The following JAK1 variants were observed in gnomAD, a reference collection of about 807,000 sequenced individuals.
JAK1 encodes the protein Janus kinase 1, also known as tyrosine-protein kinase JAK1.
In JAK1, 16 loss-of-function variants were observed where a neutral mutation model predicts 136.6. The ratio of observed to expected loss-of-function variants is 0.12; its 90% CI spans 0.08 to 0.18. JAK1 has a LOEUF of 0.18. Ranked by LOEUF, JAK1 falls within the 10% of genes least tolerant of loss-of-function variation. The pLI is 1.00. For missense variants in JAK1, 859 were observed against 1,450.1 expected (o/e 0.59, Z 6.62); for synonymous variants, 492 against 519.5 (o/e 0.95, Z 0.72).
chr1:64,943,948 C>T (rs982233644), intron 1 of JAK1, among the ~76,000 whole-genome samples: 1 of 151,492 alleles, frequency 6.6e-6, no homozygotes, highest in African/African-American at 2.4e-5. Context: ...TTAGGCCAGG[C>T]GCAGTGGCTC....
chr1:64,866,876 T>C lies in JAK1; in HGVS notation c.980A>G (p.His327Arg). The C allele has an allele frequency of 1.2e-6, 2 of 1,610,122 alleles. No individual in the cohort carries two copies. Among genetic ancestry groups the C allele is most frequent in the South Asian group, 2.2e-5 (2 of 90,822 alleles). ...CCAACAGCCACTTACATTTGGTTTA[T>C]GCCTCCACTGGATTCCAAGATTCCC... is the stretch of plus-strand genomic sequence containing the variant. ...VTGNLGIQWR[H>R]KPNVVSVEKE... Residue 327 changes from histidine to arginine, a missense_variant, in exon 7 of 25, where the codon CAT becomes CGT. His to Arg is a conservative substitution (Grantham distance 29). Transcript: ENST00000342505.
chr1:64,956,646 A>G (rs1443677397), intron 1 of JAK1, among the ~76,000 whole-genome samples: 3 of 152,220 alleles, frequency 2.0e-5, no homozygotes, highest in African/African-American at 4.8e-5. Flanking sequence ...CTACTTAAGG[A>G]CAGGGACCTT....
At chr1:64,973,088 C>A (rs900194814) in intron 2 of JAK1, 1 of 149,456 alleles carries the variant, frequency 6.7e-6, no homozygotes, top group Non-Finnish European at 1.5e-5. Flanking sequence ...CCACTGCACT[C>A]CAGCCTGGGC....
intron 1 of JAK1, among the ~76,000 whole-genome samples, chr1:64,963,840 ATTCT>A (rs1325892056): frequency 1.3e-5 from 2 of 151,998 alleles, no homozygotes; most frequent in Non-Finnish European, 2.9e-5. Context: ...GAGATGGATA[ATTCT>A]TTGTTTGGGA....
chr1:64,865,617 C>G (rs577162663), intron 7 of JAK1, among the ~76,000 whole-genome samples: 38 of 152,328 alleles, frequency 2.5e-4, no homozygotes, highest in South Asian at 2.1e-4. Context: ...AAATAGCTTA[C>G]ATCTTCACAG....
chr1:65,052,205 G>C lies in JAK1; in HGVS notation c.-180-7623C>G, dbSNP rs79292564. 9.7e-3 allele frequency among the ~76,000 whole-genome samples: 1,460 copies of C among 150,574 alleles called. 23 individuals carry two copies. The highest frequency in any genetic ancestry group is 0.033 in the African/African-American group (1,366 of 40,828). On this transcript the variant is annotated intron_variant, in intron 1 of 25. Transcript: ENST00000671954. ...ACCACTTTGGTCTCCCAGAGTACTGGGATCACAGATGTGAGCCACCACACC... is the reference window on the plus strand; with the variant it reads ...ACCACTTTGGTCTCCCAGAGTACTGCGATCACAGATGTGAGCCACCACACC...
intron 1 of JAK1, among the ~76,000 whole-genome samples, chr1:64,910,622 T>A (rs998016111): frequency 6.6e-5 from 10 of 152,066 alleles, no homozygotes; most frequent in African/African-American, 2.4e-4. Context: ...TCACTTGAGG[T>A]CAGGAGTTCG....
chr1:64,943,925 G>A (rs1289694834), intron 1 of JAK1, among the ~76,000 whole-genome samples: 3 of 148,204 alleles, frequency 2.0e-5, no homozygotes, highest in Non-Finnish European at 3.0e-5. Flanking sequence ...TCTCAAACTT[G>A]AAAAAAAAAA....
At chr1:65,007,075 G>A (rs1183953074) in intron 2 of JAK1, among the ~76,000 whole-genome samples, 1 of 152,162 alleles carries the variant, frequency 6.6e-6, no homozygotes, top group East Asian at 1.9e-4. Context: ...CTTGGGGCTT[G>A]GGTGGTCAAG....
chr1:64,899,596 C>T (rs896379552), intron 1 of JAK1, among the ~76,000 whole-genome samples: 1 of 152,160 alleles, frequency 6.6e-6, no homozygotes, highest in Non-Finnish European at 1.5e-5. Context: ...GACTTTTTGA[C>T]TACCACATTT....
chr1:65,053,030 C>CAAAAAAAA (rs780968006), intron 1 of JAK1, among the ~76,000 whole-genome samples: 5 of 43,716 alleles, frequency 1.1e-4, no homozygotes, highest in African/African-American at 6.0e-4. Context: ...ACTCTTGTCT[C>CAAAAAAAA]AAAAAAAAAA....
intron 1 of JAK1, among the ~76,000 whole-genome samples, chr1:64,962,794 G>A (rs1433871955): frequency 1.3e-5 from 2 of 152,168 alleles, no homozygotes; most frequent in Non-Finnish European, 2.9e-5. Flanking sequence ...CAGGCCAGGC[G>A]CGGTGGCTCA....
chr1:64,961,358 G>A (rs1265036456), intron 1 of JAK1, among the ~76,000 whole-genome samples: 2 of 152,096 alleles, frequency 1.3e-5, no homozygotes, highest in African/African-American at 4.8e-5. Flanking sequence ...GTTGCACAAT[G>A]GTCAGATGAA....
intron 2 of JAK1, among the ~76,000 whole-genome samples, chr1:64,979,237 T>A (rs1395773776): frequency 6.6e-6 from 1 of 151,660 alleles, no homozygotes; most frequent in Non-Finnish European, 1.5e-5. Flanking sequence ...TAAAAAAAAA[T>A]GAATAAATAA....
At chr1:64,867,316 G>C in intron 6 of JAK1, 108 bp from the exon 7 acceptor site, 1 of 755,734 alleles carries the variant, frequency 1.3e-6, no homozygotes, top group Non-Finnish European at 2.1e-6. Flanking sequence ...ATGGGAAAGG[G>C]AGATCTATTC....
intron 11 of JAK1, 76 bp from the exon 12 acceptor site, chr1:64,850,986 G>A (rs947184361): frequency 1.2e-5 from 12 of 981,286 alleles, no homozygotes; most frequent in Admixed American, 1.9e-5. Context: ...CTGCTGAGCC[G>A]GGGCCGTGGG....
intron 1 of JAK1, among the ~76,000 whole-genome samples, chr1:64,947,897 T>A (rs1042249655): frequency 2.0e-5 from 3 of 152,076 alleles, no homozygotes; most frequent in Non-Finnish European, 4.4e-5. Flanking sequence ...TACTATATAA[T>A]ATAGAGAGGG....
chr1:64,899,907 C>G (rs1468367374), intron 1 of JAK1, among the ~76,000 whole-genome samples: 2 of 152,090 alleles, frequency 1.3e-5, no homozygotes, highest in Non-Finnish European at 2.9e-5. Flanking sequence ...TGCATAGACG[C>G]ACACATGTAA....
At chr1:64,854,795 G>A (rs1655817969) in intron 11 of JAK1, among the ~76,000 whole-genome samples, 1 of 151,882 alleles carries the variant, frequency 6.6e-6, no homozygotes, top group African/African-American at 2.4e-5. Context: ...AGCCTCACCT[G>A]CCCCTCCCTT....
Sources: allele counts gnomAD v4.1 joint callset (sites outside exome capture counted in the v4.1 genomes callset), GRCh38; gene constraint gnomAD v4.1.1; transcripts MANE v1.5; gene names NCBI Gene and HGNC (gene_info 2026-07-23, HGNC 2026-07-21).